NRG2: variants seen among roughly 807,000 people sequenced by gnomAD.
NRG2 encodes pro-neuregulin-2, membrane-bound isoform.
NRG2 carries 27 observed loss-of-function variants against 73.9 expected under a neutral mutation model. The ratio of observed to expected loss-of-function variants is 0.37; its 90% CI spans 0.27 to 0.50. The LOEUF is 0.50. Among genes scored for constraint, NRG2 ranks in the 20% least tolerant of loss-of-function variants. NRG2 has a pLI of 0.96. For synonymous variants in NRG2, 532 were observed against 541.0 expected (o/e 0.98, Z 0.23); for missense variants, 1,126 against 1,210.1 (o/e 0.93, Z 1.03).
chr5:139,903,357 T>C (rs938865600), intron 1 of NRG2, among the ~76,000 whole-genome samples: 4 of 152,180 alleles, frequency 2.6e-5, no homozygotes, highest in African/African-American at 7.2e-5. Context: ...CCAGGATTGT[T>C]ATGAGGATTA....
Position 139,852,640 on chromosome 5 carries a change from G to A in NRG2, c.1417-81C>T, listed in dbSNP as rs914885945. On this transcript the variant is annotated intron_variant, in intron 7 of 9. Coordinates refer to ENST00000361474, the MANE Select transcript of NRG2 (RefSeq NM_004883.3). The surrounding 1 kb of genome is among the most constrained non-coding windows in gnomAD (Gnocchi z 4.4). ...CTTGTTGGGGACAGGGAAGTGATGA[G>A]CACTGACTGAGCTCCTGGTTGGGGA... 32 of 1,559,458 alleles carry A rather than the reference G, an allele frequency of 2.1e-5. No individual in the cohort carries two copies. Among genetic ancestry groups the A allele is most frequent in the Non-Finnish European group, 2.8e-5 (32 of 1,149,550 alleles).
At chr5:140,041,896 T>G (rs1761951851) in intron 1 of NRG2, among the ~76,000 whole-genome samples, 1 of 151,460 alleles carries the variant, frequency 6.6e-6, no homozygotes. Flanking sequence ...TAGGAGAACT[T>G]GTAAGCGGAG....
In NRG2 at chr5:139,848,568, C is replaced by T; in HGVS notation, c.1902G>A (p.Ala634=). Reference sequence around the variant, plus strand: ...CGGCCAGGCGGTAACTGATGGGCGCCGCCGGCGGCAGCGACACGGCGTGCG... The same window carrying T: ...CGGCCAGGCGGTAACTGATGGGCGCTGCCGGCGGCAGCGACACGGCGTGCG... ...NSAHAVSLPP[A]APISYRLAEQ... is the part of the protein sequence containing the mutation. Residue 634 remains alanine, a synonymous_variant, in exon 10 of 10, where the codon GCG becomes GCA. Coordinates refer to ENST00000361474, the MANE Select transcript of NRG2 (RefSeq NM_004883.3). 6.4e-7 allele frequency: 1 copy of T among 1,550,680 alleles called. No individual in the cohort carries two copies. Among genetic ancestry groups the T allele is most frequent in the Non-Finnish European group, 8.6e-7 (1 of 1,159,994 alleles).
At chr5:139,981,826 G>T (rs1756822389) in intron 1 of NRG2, among the ~76,000 whole-genome samples, 1 of 152,208 alleles carries the variant, frequency 6.6e-6, no homozygotes, top group African/African-American at 2.4e-5. Context: ...GTTTAAGGCT[G>T]TGCCCCAGCA....
intron 3 of NRG2, among the ~76,000 whole-genome samples, chr5:139,875,165 C>T (rs1013787336): frequency 7.9e-5 from 12 of 152,188 alleles, no homozygotes; most frequent in Non-Finnish European, 8.8e-5. Flanking sequence ...GCATGTGCCA[C>T]CATGCCCAGC....
In NRG2 at chr5:139,955,344, G is replaced by A. The variant is rs550590052; in HGVS notation, c.701-67833C>T. ...GGGAGAGGTGTTGCAGAGAGGAGGA[G>A]CAGCAGCGGCAGAGGCCCAGAGGGG... On this transcript the variant is annotated intron_variant, in intron 1 of 9. Coordinates refer to ENST00000361474, the MANE Select transcript of NRG2 (RefSeq NM_004883.3). 3.2e-4 allele frequency among the ~76,000 whole-genome samples: 48 copies of A among 152,248 alleles called. No individual in the cohort carries two copies. In the South Asian group the frequency reaches 9.8e-3, roughly 31 times the overall value.
chr5:140,017,449 G>A (rs1759881982), intron 1 of NRG2, among the ~76,000 whole-genome samples: 1 of 152,068 alleles, frequency 6.6e-6, no homozygotes, highest in Admixed American at 6.5e-5. Flanking sequence ...TCTGTAGACA[G>A]GAAAGAGCTA....
At chr5:140,042,296 C>G in intron 1 of NRG2, 74 bp downstream of exon 1, 1 of 1,179,592 alleles carries the variant, frequency 8.5e-7, no homozygotes, top group Non-Finnish European at 1.1e-6. Context: ...CCTGCAGCAC[C>G]TCCCCGCCCC....
In NRG2 at chr5:139,904,322, C is replaced by A. The variant is rs1378706943; in HGVS notation, c.701-16811G>T. On this transcript the variant is annotated intron_variant, in intron 1 of 9. Coordinates refer to ENST00000361474, the MANE Select transcript of NRG2 (RefSeq NM_004883.3). The surrounding 1 kb of genome is among the most constrained non-coding windows in gnomAD (Gnocchi z 6.0). ...GGTGCCCTACCTTTCTCCCCGGGAT[C>A]GGGCTCCCTCTCCCGCTTCCTCCCC... 1 of 1,591,544 alleles carries A rather than the reference C, an allele frequency of 6.3e-7. No homozygotes were observed. The highest frequency in any genetic ancestry group is 1.4e-5 in the African/African-American group (1 of 74,036).
At chr5:139,962,600 G>T (rs1179525446) in intron 1 of NRG2, among the ~76,000 whole-genome samples, 1 of 152,184 alleles carries the variant, frequency 6.6e-6, no homozygotes, top group Non-Finnish European at 1.5e-5. Context: ...CAGGGCATTT[G>T]CTCAGACCGT....
At chr5:139,925,592 TC>T (rs1751991343) in intron 1 of NRG2, among the ~76,000 whole-genome samples, 2 of 152,208 alleles carry the variant, frequency 1.3e-5, no homozygotes, top group African/African-American at 2.4e-5. Context: ...AAAAGCTCCC[TC>T]CAGAGGTCCT....
intron 1 of NRG2, among the ~76,000 whole-genome samples, chr5:139,970,394 G>A (rs1448737313): frequency 6.6e-6 from 1 of 152,038 alleles, no homozygotes; most frequent in East Asian, 1.9e-4. Context: ...ATGATAAGGA[G>A]GTAGGCTTCA....
intron 1 of NRG2, among the ~76,000 whole-genome samples, chr5:139,933,809 G>A (rs1013426732): frequency 3.3e-5 from 5 of 152,268 alleles, no homozygotes; most frequent in Non-Finnish European, 5.9e-5. Context: ...CACATAGAAC[G>A]TTTAGCAAGA....
chr5:139,976,230 C>T (rs1756374727), intron 1 of NRG2, among the ~76,000 whole-genome samples: 1 of 152,142 alleles, frequency 6.6e-6, no homozygotes, highest in South Asian at 2.1e-4. Context: ...CAGAGCCTCC[C>T]ACCACTTTAA....
chr5:139,904,788 T>C lies in NRG2; in HGVS notation c.701-17277A>G, dbSNP rs113900905. 2.0e-5 allele frequency among the ~76,000 whole-genome samples: 3 copies of C among 152,012 alleles called. No individual in the cohort carries two copies. Among genetic ancestry groups the C allele is most frequent in the African/African-American group, 7.2e-5 (3 of 41,408 alleles). ...AGCGAGGGCCAGGCTAAGGACAGCA[T>C]GGGGGTGGGGAGACAGCGAGGAAAG... On this transcript the variant is annotated intron_variant, in intron 1 of 9. Transcript: ENST00000361474. This position sits in a 1 kb window ranked among gnomAD's most constrained non-coding sequence, Gnocchi z 6.0.
intron 1 of NRG2, among the ~76,000 whole-genome samples, chr5:139,934,120 G>A (rs1232568587): frequency 6.6e-6 from 1 of 152,186 alleles, no homozygotes; most frequent in African/African-American, 2.4e-5. Context: ...GATTGCTTGA[G>A]TCCGGGAGGT....
chr5:139,994,042 T>G (rs1757848675), intron 1 of NRG2, among the ~76,000 whole-genome samples: 1 of 152,222 alleles, frequency 6.6e-6, no homozygotes, highest in South Asian at 2.1e-4. Context: ...AACAATTTCT[T>G]TCTTTTTTAA....
intron 2 of NRG2, among the ~76,000 whole-genome samples, chr5:139,883,285 G>A (rs951407770): frequency 2.7e-5 from 4 of 147,598 alleles, no homozygotes; most frequent in African/African-American, 5.1e-5. Context: ...ACAGGATCTG[G>A]GCAGCTGTGT....
At chr5:139,906,721 T>C (rs1229616939) in intron 1 of NRG2, among the ~76,000 whole-genome samples, 1 of 152,220 alleles carries the variant, frequency 6.6e-6, no homozygotes, top group Non-Finnish European at 1.5e-5. Flanking sequence ...AATGGATTGA[T>C]TAAAATTTGT....
Sources: gnomAD v4.1 joint callset for allele counts (sites outside exome capture counted in the v4.1 genomes callset) on GRCh38, gnomAD v4.1.1 for gene constraint, Gnocchi (gnomAD v3.1) non-coding constraint, MANE v1.5 for transcripts, NCBI Gene and HGNC (gene_info 2026-07-23, HGNC 2026-07-21) for gene names.